The following C2CD5 variants were observed in gnomAD, a reference collection of about 807,000 sequenced individuals.
C2CD5 encodes C2 calcium dependent domain containing 5.
C2CD5 carries 109 observed loss-of-function variants against 130.3 expected under a neutral mutation model. The observed-to-expected ratio is 0.84, with a 90% CI of 0.72 to 0.98. The LOEUF is 0.98. Ranked by LOEUF, C2CD5 falls within the 50% of genes least tolerant of loss-of-function variation. The probability of loss-of-function intolerance (pLI) is 0.00; values close to 1 mark genes in which losing one functional copy is unlikely to be tolerated. For missense variants in C2CD5, 996 were observed against 1,261.8 expected, an observed-to-expected ratio of 0.79 and a Z score of 3.19; for synonymous variants, 454 against 429.2, an observed-to-expected ratio of 1.06 and a Z score of -0.71.
At chr12:22,490,584 C>T (rs1376964815) in intron 11 of C2CD5, among the ~76,000 whole-genome samples, 2 of 152,002 alleles carry the variant, frequency 1.3e-5, no homozygotes, top group Non-Finnish European at 2.9e-5. Flanking sequence ...TTAAAATACT[C>T]TTTAAATGTA....
rs1322256473 is a variant in C2CD5, at chr12:22,472,743, C to A, written c.2107+1G>T. 6.5e-7 allele frequency: 1 copy of A among 1,534,844 alleles called. No homozygotes were observed. The highest frequency in any genetic ancestry group is 1.1e-5 in the South Asian group (1 of 89,336). On this transcript the variant is annotated splice_donor_variant, in intron 17 of 26. Coordinates refer to ENST00000446597, the MANE Select transcript of C2CD5 (RefSeq NM_001286176.2). LOFTEE classifies it high-confidence loss of function. ...ATCTCAAAGATAACTTTTTTGTTCA[C>A]CTGAAGGAGGAGGAACATCAGTAAG...
chr12:22,482,478 A>C (rs1216476374), intron 14 of C2CD5, 79 bp downstream of exon 14: 1 of 1,213,580 alleles, frequency 8.2e-7, no homozygotes, highest in Non-Finnish European at 1.2e-6. Flanking sequence ...GCCTTTGAAA[A>C]GACTATTTGA....
At chr12:22,502,856 G>C (rs1481880219) in intron 10 of C2CD5, 1 of 1,026,660 alleles carries the variant, frequency 9.7e-7, no homozygotes. Flanking sequence ...AGAATAGTAG[G>C]AATAAAACAA....
intron 3 of C2CD5, among the ~76,000 whole-genome samples, 163 bp from the exon 4 acceptor site, chr12:22,528,055 C>T (rs1342260249): frequency 6.6e-6 from 1 of 152,188 alleles, no homozygotes; most frequent in Non-Finnish European, 1.5e-5. Context: ...AAAGATATAG[C>T]TCCTTTTCCT....
intron 16 of C2CD5, among the ~76,000 whole-genome samples, chr12:22,473,679 A>G (rs1490610095): frequency 3.3e-5 from 5 of 152,154 alleles, no homozygotes; most frequent in Non-Finnish European, 7.3e-5. Context: ...CATCACCTGG[A>G]AAGTTTGTTA....
chr12:22,524,425 AAG>A lies in C2CD5; in HGVS notation c.601+45_601+46del, dbSNP rs564149464. ...CATGTCAAAGGAAAGCAAAAAATTT[AAG>A]AGAGTACTAAATCAGTCAGTAATAA... On this transcript the variant is annotated intron_variant, in intron 6 of 26. Transcript: ENST00000446597. The A allele has an allele frequency of 2.1e-4, 331 of 1,549,690 alleles. 4 individuals carry two copies. In the East Asian group the frequency reaches 7.3e-3, roughly 34 times the overall value.
chr12:22,527,654 A>T, intron 4 of C2CD5, 67 bp downstream of exon 4: 1 of 968,056 alleles, frequency 1.0e-6, no homozygotes, highest in East Asian at 2.7e-5. Context: ...ATATAGCACA[A>T]ATGTCTTTAA....
At chr12:22,502,219 CAA>C (rs957284331) in intron 10 of C2CD5, among the ~76,000 whole-genome samples, 3 of 151,922 alleles carry the variant, frequency 2.0e-5, no homozygotes, top group Admixed American at 6.6e-5. Flanking sequence ...TGTTAATCCC[CAA>C]AAAGTCTATT....
intron 3 of C2CD5, among the ~76,000 whole-genome samples, chr12:22,530,816 A>G (rs1207105900): frequency 1.3e-5 from 2 of 152,116 alleles, no homozygotes; most frequent in Non-Finnish European, 2.9e-5. Flanking sequence ...GAAAATAAAT[A>G]TATTATTTTT....
chr12:22,460,315 T>C (rs898696214), intron 22 of C2CD5, among the ~76,000 whole-genome samples: 1 of 152,194 alleles, frequency 6.6e-6, no homozygotes, highest in African/African-American at 2.4e-5. Context: ...TTTGAAAGAA[T>C]TTTACAACTA....
At chr12:22,471,286 T>G (rs937816852) in intron 20 of C2CD5, 113 bp downstream of exon 20, 2 of 642,856 alleles carry the variant, frequency 3.1e-6, no homozygotes, top group African/African-American at 1.8e-5. Context: ...TTTTTAATAT[T>G]GTGAGGTAAA....
At chr12:22,542,131 CTG>C (rs1952450322) in intron 2 of C2CD5, among the ~76,000 whole-genome samples, 1 of 152,234 alleles carries the variant, frequency 6.6e-6, no homozygotes, top group South Asian at 2.1e-4. Flanking sequence ...ACCTTCTTAA[CTG>C]ATCTCCCTGC....
intron 2 of C2CD5, among the ~76,000 whole-genome samples, chr12:22,540,338 G>A (rs1347135200): frequency 6.6e-6 from 1 of 152,116 alleles, no homozygotes; most frequent in East Asian, 1.9e-4. Flanking sequence ...CTAAAATCTA[G>A]AGAAAACTAG....
At chr12:22,453,027 A>G (rs747981618) in intron 26 of C2CD5, among the ~76,000 whole-genome samples, 3 of 152,240 alleles carry the variant, frequency 2.0e-5, no homozygotes, top group Non-Finnish European at 4.4e-5. Context: ...AAGAATTTAA[A>G]TGATTTGTCT....
At chr12:22,493,897 T>TA (rs879653608) in intron 10 of C2CD5, among the ~76,000 whole-genome samples, 79 of 144,130 alleles carry the variant, frequency 5.5e-4, no homozygotes, top group East Asian at 3.2e-3. Context: ...GAGACTAATT[T>TA]AAAAAAAAAA....
In C2CD5 at chr12:22,488,047, G is replaced by C. The variant is rs376284105; in HGVS notation, c.1358+2076C>G. 8.3e-5 allele frequency among the ~76,000 whole-genome samples: 12 copies of C among 144,990 alleles called. No individual in the cohort carries two copies. The South Asian group carries it at 2.6e-3, about 31-fold the overall frequency. On this transcript the variant is annotated intron_variant, in intron 12 of 26. Coordinates refer to ENST00000446597, the MANE Select transcript of C2CD5 (RefSeq NM_001286176.2). ...CATCACACATCAGGGCCTGTTGTGGGGTAGGGGGAGGGGGGAGGGATAGCA... is the reference window on the plus strand; with the variant it reads ...CATCACACATCAGGGCCTGTTGTGGCGTAGGGGGAGGGGGGAGGGATAGCA...
intron 25 of C2CD5, among the ~76,000 whole-genome samples, chr12:22,456,748 A>G (rs918929201): frequency 6.6e-6 from 1 of 152,202 alleles, no homozygotes; most frequent in African/African-American, 2.4e-5. Flanking sequence ...TTACTATATG[A>G]TAAGGTTCTA....
chr12:22,525,974 A>C (rs73076693), intron 4 of C2CD5, among the ~76,000 whole-genome samples: 6,351 of 152,264 alleles, frequency 0.042, 167 homozygotes, highest in South Asian at 0.11. Flanking sequence ...TGTTCGGTGC[A>C]CATTTGAGAT....
At chr12:22,497,628 C>G in intron 10 of C2CD5, 1 of 965,774 alleles carries the variant, frequency 1.0e-6, no homozygotes, top group African/African-American at 1.8e-5. Context: ...TAAATTTCCC[C>G]TAATGAAAAA....
Sources: allele counts gnomAD v4.1 joint callset (sites outside exome capture counted in the v4.1 genomes callset), GRCh38; gene constraint gnomAD v4.1.1; transcripts MANE v1.5; gene names NCBI Gene and HGNC (gene_info 2026-07-23, HGNC 2026-07-21).